Variants in PRR14L observed in about 807,000 individuals in gnomAD.
PRR14L encodes the protein proline rich 14 like.
PRR14L carries 80 observed loss-of-function variants against 155.0 expected under a neutral mutation model. The observed-to-expected ratio is 0.52, with a 90% CI of 0.43 to 0.62. The LOEUF is 0.62. Among genes scored for constraint, PRR14L ranks in the 20% least tolerant of loss-of-function variants. The probability of loss-of-function intolerance (pLI) is 0.00; values close to 1 mark genes in which losing one functional copy is unlikely to be tolerated. For synonymous variants in PRR14L, 883 were observed against 916.0 expected (o/e 0.96, Z 0.65); for missense variants, 2,469 against 2,548.0 (o/e 0.97, Z 0.67).
At chr22:31,724,551 T>C (rs2074707063) in intron 3 of PRR14L, among the ~76,000 whole-genome samples, 2 of 152,020 alleles carry the variant, frequency 1.3e-5, no homozygotes, top group African/African-American at 2.4e-5. Context: ...CAGGTGTGTG[T>C]GCTGCCATGC....
At position 31,715,689 on chromosome 22, in the gene PRR14L, G is replaced by A; in HGVS notation, c.2150C>T (p.Ser717Phe). The change falls in exon 4 of 9, where the codon TCT (serine) becomes TTT (phenylalanine). Residue 717 changes from serine to phenylalanine, a missense_variant. Coordinates refer to ENST00000327423, the MANE Select transcript of PRR14L (RefSeq NM_173566.3). ...IPIQTKIKDISPPGNQTCGAS... is the reference protein window; with the variant it reads ...IPIQTKIKDIFPPGNQTCGAS... ...ACCACAGGTTTGGTTACCTGGTGGA[G>A]AGATGTCTTTTATTTTTGTCTGAAT... 1.3e-6 allele frequency: 2 copies of A among 1,552,282 alleles called. No homozygotes were observed. Among genetic ancestry groups the A allele is most frequent in the Non-Finnish European group, 1.7e-6 (2 of 1,147,090 alleles).
Position 31,682,789 on chromosome 22 carries a change from C to T in PRR14L, c.*2738G>A, listed in dbSNP as rs1394968715. 3 of 151,984 alleles carry T rather than the reference C, an allele frequency of 2.0e-5. No homozygotes were observed. Among genetic ancestry groups the T allele is most frequent in the African/African-American group, 7.3e-5 (3 of 41,364 alleles). The allele number at this position is 151,984 out of a possible 1,614,324, so 9.4% of individuals were successfully genotyped here. On this transcript the variant is annotated 3_prime_UTR_variant, in exon 9 of 9. Coordinates refer to ENST00000327423, the MANE Select transcript of PRR14L (RefSeq NM_173566.3). ...AAGTTCCCATACTCAGAAACTGTACCAACTCCACCCCAGAACCAGACCTCC... is the reference window on the plus strand; with the variant it reads ...AAGTTCCCATACTCAGAAACTGTACTAACTCCACCCCAGAACCAGACCTCC...
chr22:31,696,409 G>A (rs957526777), intron 7 of PRR14L, among the ~76,000 whole-genome samples: 5 of 152,038 alleles, frequency 3.3e-5, no homozygotes, highest in African/African-American at 1.2e-4. Context: ...AAAGTGCTGG[G>A]ATTACAGGCA....
Position 31,685,674 on chromosome 22 carries a change from G to C in PRR14L, c.6309C>G (p.Gly2103=). Residue 2103 remains glycine, a synonymous_variant, in exon 9 of 9, where the codon GGC becomes GGG. Transcript: ENST00000327423. ...TAAAGCTGCCTGCCACCTTGACTTT[G>C]CCTCGAGCTCTCCTCTTTCGCGGGA... is the stretch of plus-strand genomic sequence containing the variant. ...FTVPRKRRAR[G]KVKVAGSFTR... The C allele has an allele frequency of 6.4e-7, 1 of 1,551,730 alleles. No individual in the cohort carries two copies. Among genetic ancestry groups the C allele is most frequent in the Non-Finnish European group, 8.7e-7 (1 of 1,146,996 alleles).
intron 7 of PRR14L, among the ~76,000 whole-genome samples, chr22:31,696,151 T>A (rs1007162873): frequency 1.4e-3 from 216 of 151,734 alleles, no homozygotes; most frequent in Non-Finnish European, 1.2e-3. Flanking sequence ...TTATAATTTT[T>A]TTTTTTTTTA....
chr22:31,727,230 A>G (rs1017362797), intron 2 of PRR14L, among the ~76,000 whole-genome samples: 1 of 148,342 alleles, frequency 6.7e-6, no homozygotes, highest in Non-Finnish European at 1.5e-5. Context: ...GATTAGCCAC[A>G]ATTCTTTTTT....
chr22:31,723,661 T>C (rs2074702205), intron 3 of PRR14L, among the ~76,000 whole-genome samples: 1 of 151,604 alleles, frequency 6.6e-6, no homozygotes, highest in African/African-American at 2.4e-5. Context: ...GGAATGTCCT[T>C]TAATCTACAC....
Position 31,738,549 on chromosome 22 carries a change from T to C in PRR14L, c.312A>G (p.Ala104=). Residue 104 remains alanine (A), a synonymous_variant, in exon 2 of 9, where the codon GCA becomes GCG. Transcript: ENST00000327423. The part of the protein sequence containing the change: ...LVDSTAGGSV[A]SGILDRAKRS... ...TCTTTGCCCTATCCAAGATCCCAGATGCCACAGAACCTCCTGCTGTGGAGT... is the reference window on the plus strand; with the variant it reads ...TCTTTGCCCTATCCAAGATCCCAGACGCCACAGAACCTCCTGCTGTGGAGT... 2 of 1,552,040 alleles carry C rather than the reference T, an allele frequency of 1.3e-6. No homozygotes were observed. Among genetic ancestry groups the C allele is most frequent in the Non-Finnish European group, 1.7e-6 (2 of 1,147,070 alleles).
At chr22:31,689,777 GCT>G (rs1569497102) in intron 7 of PRR14L, among the ~76,000 whole-genome samples, 1 of 151,722 alleles carries the variant, frequency 6.6e-6, no homozygotes, top group Non-Finnish European at 1.5e-5. Context: ...ACAGAGTTTC[GCT>G]CTTTTTGCCC....
chr22:31,712,332 G>A lies in PRR14L; in HGVS notation c.5507C>T (p.Thr1836Ile). The change falls in exon 4 of 9, where the codon ACA becomes ATA. Residue 1836 changes from threonine (T) to isoleucine (I), a missense_variant. By Grantham distance (89) the Thr-to-Ile change is moderately conservative. Transcript: ENST00000327423. ...GTGGCTGGAGAAGCTCCGTTTTTTT[G>A]TCCAGATTCGGTAACATCCTGGGGA... ...LCSPGCYRIW[T>I]KKRSFSSHMP... 2 of 1,613,036 alleles carry A rather than the reference G, an allele frequency of 1.2e-6. No individual in the cohort carries two copies. The highest frequency in any genetic ancestry group is 1.7e-6 in the Non-Finnish European group (2 of 1,179,702).
chr22:31,713,608 C>A lies in PRR14L; in HGVS notation c.4231G>T (p.Ala1411Ser). The A allele has an allele frequency of 6.4e-7, 1 of 1,551,934 alleles. No homozygotes were observed. The highest frequency in any genetic ancestry group is 8.7e-7 in the Non-Finnish European group (1 of 1,147,048). ...ATGCACTGTTGCGATATCGTATGTG[C>A]TTTTTGTTGACGTATATATTTCTCT... ...KEEKYIRQQK[A>S]HTISQQCISS... The change falls in exon 4 of 9, where the codon GCA (alanine) becomes TCA (serine). Residue 1411 changes from alanine to serine, a missense_variant. Ala to Ser is a moderately conservative substitution (Grantham distance 99). Coordinates refer to ENST00000327423, the MANE Select transcript of PRR14L (RefSeq NM_173566.3).
In PRR14L at chr22:31,744,740, A is replaced by C. The variant is rs112334565; in HGVS notation, c.-52+5253T>G. Reference sequence around the variant, plus strand: ...GCAGTGTTTCTAGTAAATCATATTCATTTCCATCCCCACAGTTCTAGCTCA... The same window carrying C: ...GCAGTGTTTCTAGTAAATCATATTCCTTTCCATCCCCACAGTTCTAGCTCA... On this transcript the variant is annotated intron_variant, in intron 1 of 8. Coordinates refer to ENST00000327423, the MANE Select transcript of PRR14L (RefSeq NM_173566.3). Among the ~76,000 whole-genome samples the C allele has an allele frequency of 8.9e-3, 1,350 of 152,248 alleles. 26 individuals carry two copies. Among genetic ancestry groups the C allele is most frequent in the African/African-American group, 0.029 (1,218 of 41,544 alleles).
intron 7 of PRR14L, among the ~76,000 whole-genome samples, chr22:31,689,259 G>T (rs377630376): frequency 6.6e-6 from 1 of 152,156 alleles, no homozygotes; most frequent in Non-Finnish European, 1.5e-5. Context: ...TGAGGCAAGA[G>T]AATTGTTGAG....
intron 1 of PRR14L, among the ~76,000 whole-genome samples, chr22:31,748,589 T>C (rs979143770): frequency 5.3e-5 from 8 of 152,184 alleles, no homozygotes; most frequent in African/African-American, 1.4e-4. Context: ...CTCAAAGGTA[T>C]AGAGTCTTCA....
Position 31,688,138 on chromosome 22 carries a change from C to A in PRR14L, c.6179+18G>T. On this transcript the variant is annotated intron_variant, in intron 8 of 8. Transcript: ENST00000327423. The stretch of plus-strand genomic sequence containing the variant: ...ATTTCAAATTCTTCCCTTTTATTTC[C>A]CAGCTATAAGTACCTACCTGTTTGC... 2.5e-6 allele frequency: 4 copies of A among 1,594,466 alleles called. No homozygotes were observed. Among genetic ancestry groups the A allele is most frequent in the Non-Finnish European group, 2.6e-6 (3 of 1,172,016 alleles).
intron 7 of PRR14L, among the ~76,000 whole-genome samples, chr22:31,695,157 G>A (rs901397704): frequency 6.6e-6 from 1 of 152,192 alleles, no homozygotes; most frequent in Non-Finnish European, 1.5e-5. Flanking sequence ...ACAGCTCTTT[G>A]TGAAGCGAAT....
At position 31,713,594 on chromosome 22, in the gene PRR14L, C is replaced by T. The variant is rs1247790515; in HGVS notation, c.4245G>A (p.Ser1415=). 20 of 1,551,824 alleles carry T rather than the reference C, an allele frequency of 1.3e-5. No individual in the cohort carries two copies. Among genetic ancestry groups the T allele is most frequent in the South Asian group, 1.1e-4 (9 of 84,066 alleles). ...ACAGACTAGATGATATGCACTGTTG[C>T]GATATCGTATGTGCTTTTTGTTGAC... ...YIRQQKAHTI[S]QQCISSSLLL... is the part of the protein sequence containing the mutation. Residue 1415 remains serine, a synonymous_variant, in exon 4 of 9, where the codon TCG becomes TCA. Coordinates refer to ENST00000327423, the MANE Select transcript of PRR14L (RefSeq NM_173566.3).
rs1238203741 is a variant in PRR14L, at chr22:31,704,673, G to C, written c.5810C>G (p.Thr1937Ser). ...TGCTTACCTCGTCTGACTGCCGCTG[G>C]TGTTATATGTAGCTTCCATGCCTGG... ...PLPGMEATYNTSGSQTRLEPP... is the reference protein window; with the variant it reads ...PLPGMEATYNSSGSQTRLEPP... The change falls in exon 5 of 9, where the codon ACC becomes AGC. Residue 1937 changes from threonine to serine, a missense_variant. By Grantham distance (58) the Thr-to-Ser change is moderately conservative. This residue lies in a region of PRR14L where 2,363 missense variants were observed against 2,371.6 expected (regional missense o/e 1.00). Transcript: ENST00000327423. 1 of 1,613,932 alleles carries C rather than the reference G, an allele frequency of 6.2e-7. No individual in the cohort carries two copies. Among genetic ancestry groups the C allele is most frequent in the African/African-American group, 1.3e-5 (1 of 75,024 alleles).
chr22:31,737,148 G>C (rs2074786350), intron 2 of PRR14L, among the ~76,000 whole-genome samples: 1 of 151,812 alleles, frequency 6.6e-6, no homozygotes, highest in Non-Finnish European at 1.5e-5. Context: ...AAACCACCCT[G>C]TGGAGAGAGT....
Sources: gnomAD v4.1 joint callset for allele counts (sites outside exome capture counted in the v4.1 genomes callset) on GRCh38, gnomAD v4.1.1 for gene constraint, gnomAD v4.1.1 regional missense constraint, MANE v1.5 for transcripts, NCBI Gene and HGNC (gene_info 2026-07-23, HGNC 2026-07-21) for gene names.